The following GHR variants were observed in gnomAD, a reference collection of about 807,000 sequenced individuals.
The protein encoded by GHR is growth hormone receptor.
A neutral mutation model predicts 67.1 loss-of-function variants in GHR; 35 were observed. The observed-to-expected ratio is 0.52, with a 90% CI of 0.40 to 0.69. GHR has a LOEUF of 0.69. GHR is among the 30% of genes least tolerant of loss of function. The pLI is 0.00. For synonymous variants in GHR, 272 were observed against 269.1 expected (o/e 1.01, Z -0.10); for missense variants, 792 against 764.6 (o/e 1.04, Z -0.42).
intron 1 of GHR, among the ~76,000 whole-genome samples, chr5:42,455,153 CT>C (rs1244639495): frequency 6.6e-6 from 1 of 152,158 alleles, no homozygotes; most frequent in Non-Finnish European, 1.5e-5. Flanking sequence ...CTCTCATGAT[CT>C]GGATTTTCAG....
At chr5:42,557,712 A>G (rs910530149) in intron 1 of GHR, among the ~76,000 whole-genome samples, 3 of 152,210 alleles carry the variant, frequency 2.0e-5, no homozygotes, top group African/African-American at 7.2e-5. Context: ...TAATGATAGC[A>G]TCTGTGGTAG....
chr5:42,487,996 GC>G (rs956524822), intron 1 of GHR, among the ~76,000 whole-genome samples: 9 of 152,240 alleles, frequency 5.9e-5, no homozygotes, highest in Middle Eastern at 3.4e-3. Context: ...TGATAGAACA[GC>G]TCTTAACATG....
intron 1 of GHR, among the ~76,000 whole-genome samples, chr5:42,450,190 T>G (rs1332939548): frequency 6.6e-6 from 1 of 152,170 alleles, no homozygotes; most frequent in Non-Finnish European, 1.5e-5. Flanking sequence ...TCTTTTTGAA[T>G]AGTTTCAGTA....
rs1018828904 is a variant in GHR, at chr5:42,629,968, C to G, written c.136+865C>G. ...CCTTAAAATGACTTTACACATTCCC[C>G]GCTGGTCCTTTGACAATCTCCTCTT... On this transcript the variant is annotated intron_variant, in intron 3 of 9. Coordinates refer to ENST00000230882, the MANE Select transcript of GHR (RefSeq NM_000163.5). Among the ~76,000 whole-genome samples, 2 of 131,712 alleles carry G rather than the reference C, an allele frequency of 1.5e-5. 1 individual carries two copies. The highest frequency in any genetic ancestry group is 3.2e-5 in the Non-Finnish European group (2 of 62,346). 86.4% of individuals were successfully genotyped at this position (131,712 alleles called of 152,430 possible).
At chr5:42,581,689 C>T (rs1451305525) in intron 2 of GHR, among the ~76,000 whole-genome samples, 1 of 152,174 alleles carries the variant, frequency 6.6e-6, no homozygotes, top group Non-Finnish European at 1.5e-5. Flanking sequence ...TCTGGAGCCG[C>T]TGCTGTGAAG....
chr5:42,442,226 A>C (rs1743609484), intron 1 of GHR, among the ~76,000 whole-genome samples: 1 of 152,186 alleles, frequency 6.6e-6, no homozygotes, highest in Admixed American at 6.5e-5. Context: ...AGTAAGTTGG[A>C]ATATGAAAGG....
intron 1 of GHR, among the ~76,000 whole-genome samples, chr5:42,527,487 G>A (rs558266040): frequency 1.8e-3 from 270 of 152,214 alleles, no homozygotes; most frequent in African/African-American, 6.4e-3. Context: ...AATGGTAAAC[G>A]GTTCAATTCA....
chr5:42,492,923 T>G (rs530425319), intron 1 of GHR, among the ~76,000 whole-genome samples: 7 of 152,332 alleles, frequency 4.6e-5, no homozygotes, highest in Admixed American at 2.6e-4. Flanking sequence ...ACTTAAAATG[T>G]AGATAAGCCT....
chr5:42,459,572 T>C (rs933373902), intron 1 of GHR, among the ~76,000 whole-genome samples: 4 of 152,162 alleles, frequency 2.6e-5, no homozygotes, highest in Non-Finnish European at 4.4e-5. Context: ...ACTATGCTTA[T>C]TACCTGAGTG....
At chr5:42,450,932 T>C (rs1053728478) in intron 1 of GHR, among the ~76,000 whole-genome samples, 8 of 152,216 alleles carry the variant, frequency 5.3e-5, no homozygotes, top group Admixed American at 4.6e-4. Flanking sequence ...TGTATTTCTA[T>C]AGTTTTGAAG....
intron 1 of GHR, among the ~76,000 whole-genome samples, chr5:42,430,315 C>G (rs1446014686): frequency 6.6e-6 from 1 of 152,122 alleles, no homozygotes; most frequent in African/African-American, 2.4e-5. Flanking sequence ...CCCTTGCCAC[C>G]AAGCTAAGAA....
intron 3 of GHR, among the ~76,000 whole-genome samples, chr5:42,664,416 A>G (rs1249087396): frequency 6.6e-6 from 1 of 152,222 alleles, no homozygotes; most frequent in Admixed American, 6.5e-5. Flanking sequence ...ATGGAACAGA[A>G]CAGAGCCCTC....
intron 8 of GHR, among the ~76,000 whole-genome samples, chr5:42,714,938 TG>T (rs1464463490): frequency 6.6e-6 from 1 of 152,204 alleles, no homozygotes; most frequent in African/African-American, 2.4e-5. Context: ...TAGTATTAGC[TG>T]TGAATTTCTA....
intron 2 of GHR, among the ~76,000 whole-genome samples, chr5:42,625,287 A>G (rs1325189735): frequency 3.9e-5 from 6 of 152,086 alleles, no homozygotes; most frequent in Admixed American, 3.9e-4. Flanking sequence ...TGGCATTGTT[A>G]CTGTGGGTTT....
chr5:42,486,237 A>G (rs1040574754), intron 1 of GHR, among the ~76,000 whole-genome samples: 2 of 152,088 alleles, frequency 1.3e-5, no homozygotes, highest in South Asian at 2.1e-4. Context: ...CTCTCCTTCT[A>G]TGAGAATTCA....
rs138232519 is a variant in GHR, at chr5:42,491,776, G to T, written c.-12+67821G>T. On this transcript the variant is annotated intron_variant, in intron 1 of 9. Coordinates refer to ENST00000230882, the MANE Select transcript of GHR (RefSeq NM_000163.5). ...GGATGAGGAAGTCTGCTGTCCAAGGGGTGGGCCAGAGCTAAGGCAAGATTT... is the reference window on the plus strand; with the variant it reads ...GGATGAGGAAGTCTGCTGTCCAAGGTGTGGGCCAGAGCTAAGGCAAGATTT... 2.8e-3 allele frequency among the ~76,000 whole-genome samples: 429 copies of T among 152,266 alleles called. 1 individual carries two copies. The highest frequency in any genetic ancestry group is 9.5e-3 in the African/African-American group (395 of 41,538).
chr5:42,617,388 A>G (rs75768538), intron 2 of GHR, among the ~76,000 whole-genome samples: 1 of 860 alleles, frequency 1.2e-3, no homozygotes, highest in African/African-American at 2.5e-3. Context: ...TTCATTTTAC[A>G]CACACACACA....
intron 1 of GHR, chr5:42,548,471 C>A: frequency 2.0e-6 from 2 of 984,946 alleles, no homozygotes; most frequent in Non-Finnish European, 2.4e-6. Flanking sequence ...TGATATAAAG[C>A]CTGGAGGAAA....
chr5:42,510,289 A>G (rs951264329), intron 1 of GHR, among the ~76,000 whole-genome samples: 6 of 152,124 alleles, frequency 3.9e-5, no homozygotes, highest in Admixed American at 2.0e-4. Context: ...CCTGTTCTAT[A>G]TGCTTTTATA....
Sources: allele counts gnomAD v4.1 joint callset (sites outside exome capture counted in the v4.1 genomes callset), GRCh38; gene constraint gnomAD v4.1.1; transcripts MANE v1.5; gene names NCBI Gene and HGNC (gene_info 2026-07-23, HGNC 2026-07-21).